Variants in SLC44A1 observed in about 807,000 individuals in gnomAD.
The protein encoded by SLC44A1 is solute carrier family 44 member 1.
A neutral mutation model predicts 79.3 loss-of-function variants in SLC44A1; 26 were observed. The ratio of observed to expected loss-of-function variants is 0.33; its 90% confidence interval spans 0.24 to 0.46. SLC44A1 has a LOEUF of 0.46. Ranked by LOEUF, SLC44A1 falls within the 20% of genes least tolerant of loss-of-function variation. SLC44A1 has a pLI of 1.00. For synonymous variants in SLC44A1, 263 were observed against 286.2 expected, an observed-to-expected ratio of 0.92 and a Z score of 0.82; for missense variants, 688 against 798.1, an observed-to-expected ratio of 0.86 and a Z score of 1.66.
At chr9:105,302,008 C>T (rs1250352031) in intron 2 of SLC44A1, among the ~76,000 whole-genome samples, 1 of 152,178 alleles carries the variant, frequency 6.6e-6, no homozygotes, top group East Asian at 1.9e-4. Context: ...TCACTCATCT[C>T]TACCATTAAA....
At chr9:105,294,548 T>C (rs1459958644) in intron 1 of SLC44A1, 2 of 152,096 alleles carry the variant, frequency 1.3e-5, no homozygotes, top group Non-Finnish European at 2.9e-5. Context: ...TAATCTTTGT[T>C]TTTCTGTATG....
chr9:105,344,598 CAT>C (rs1489668411), intron 4 of SLC44A1, among the ~76,000 whole-genome samples: 1 of 152,134 alleles, frequency 6.6e-6, no homozygotes, highest in Non-Finnish European at 1.5e-5. Flanking sequence ...TTGTATATAA[CAT>C]ATAACACCAA....
chr9:105,300,575 C>T (rs1245493450), intron 2 of SLC44A1, among the ~76,000 whole-genome samples: 2 of 151,818 alleles, frequency 1.3e-5, no homozygotes, highest in African/African-American at 2.4e-5. Context: ...TAATGAGATA[C>T]GATAAATCCA....
At position 105,394,862 on chromosome 9, in the gene SLC44A1, A is replaced by G; in HGVS notation, c.*5806A>G. The G allele has an allele frequency of 1.0e-6, 1 of 985,488 alleles. No individual in the cohort carries two copies. The highest frequency in any genetic ancestry group is 1.2e-6 in the Non-Finnish European group (1 of 829,968). 61.0% of individuals were successfully genotyped at this position (985,488 alleles called of 1,614,324 possible). On this transcript the variant is annotated 3_prime_UTR_variant, in exon 16 of 16. Coordinates refer to ENST00000374720, the MANE Select transcript of SLC44A1 (RefSeq NM_080546.5). ...TTTTAGTGTTTTCCAGTCACCCACT[A>G]GAGCAGCTTCAGATTCCTCTGCCAA...
chr9:105,370,897 A>C lies in SLC44A1; in HGVS notation c.1495-3701A>C, dbSNP rs187763821. ...AATTTCCTTGATTCTAGACATTATG[A>C]AGCTATTTAGTATCAGGATGTATCT... is the stretch of plus-strand genomic sequence containing the variant. On this transcript the variant is annotated intron_variant, in intron 12 of 15. Transcript: ENST00000374720. Among the ~76,000 whole-genome samples the C allele has an allele frequency of 2.6e-5, 4 of 152,340 alleles. No homozygotes were observed. The East Asian group carries it at 7.7e-4, about 29-fold the overall frequency.
rs545507596 is a variant in SLC44A1 at position 105,258,105 on chromosome 9, T to C, written c.36+13201T>C. Reference sequence around the variant, plus strand: ...AGACCTTCCTGACTTAATCTGGATATGTGGGATGAAAGAGAAGGAAAGAAC... The same window carrying C: ...AGACCTTCCTGACTTAATCTGGATACGTGGGATGAAAGAGAAGGAAAGAAC... On this transcript the variant is annotated intron_variant, in intron 1 of 15. Coordinates refer to ENST00000374720, the MANE Select transcript of SLC44A1 (RefSeq NM_080546.5). Among the ~76,000 whole-genome samples the C allele has an allele frequency of 2.6e-5, 4 of 152,306 alleles. No individual in the cohort carries two copies. The South Asian group carries it at 8.3e-4, about 32-fold the overall frequency.
At chr9:105,279,768 A>G (rs906187599) in intron 1 of SLC44A1, among the ~76,000 whole-genome samples, 1 of 152,218 alleles carries the variant, frequency 6.6e-6, no homozygotes, top group African/African-American at 2.4e-5. Flanking sequence ...TAACTCGTGC[A>G]ATAATCCACC....
At chr9:105,438,303 C>A in exon 16 of SLC44A1, 1 of 1,549,938 alleles carries the variant, frequency 6.5e-7, no homozygotes, top group Non-Finnish European at 8.7e-7. Flanking sequence ...TGACTGGTCT[C>A]ATGAGCCCTG....
At chr9:105,413,569 G>T (rs569559032) in intron 15 of SLC44A1, among the ~76,000 whole-genome samples, 1 of 152,334 alleles carries the variant, frequency 6.6e-6, no homozygotes, top group East Asian at 1.9e-4. Context: ...AAGCATTCTT[G>T]CCTGATTTCT....
intron 15 of SLC44A1, among the ~76,000 whole-genome samples, chr9:105,437,004 C>G (rs1829471732): frequency 6.6e-6 from 1 of 152,140 alleles, no homozygotes. Flanking sequence ...CTCCTGGCAT[C>G]TTGTGGTTAG....
intron 1 of SLC44A1, among the ~76,000 whole-genome samples, chr9:105,263,415 A>C (rs1829884995): frequency 6.6e-6 from 1 of 152,206 alleles, no homozygotes; most frequent in Non-Finnish European, 1.5e-5. Context: ...TAGTTTTTAC[A>C]ACCATGTCTG....
intron 15 of SLC44A1, among the ~76,000 whole-genome samples, chr9:105,419,167 C>A (rs539225487): frequency 6.6e-6 from 1 of 152,070 alleles, no homozygotes. Context: ...GAAAAAAATG[C>A]GAGTTTGCAA....
At chr9:105,245,253 C>T (rs1829407438) in intron 1 of SLC44A1, among the ~76,000 whole-genome samples, 1 of 152,126 alleles carries the variant, frequency 6.6e-6, no homozygotes, top group African/African-American at 2.4e-5. Flanking sequence ...CAGGTGGCAT[C>T]CCCTTCCCTG....
Position 105,249,617 on chromosome 9 carries a change from C to T in SLC44A1, c.36+4713C>T, listed in dbSNP as rs372361671. 3.9e-4 allele frequency among the ~76,000 whole-genome samples: 59 copies of T among 151,616 alleles called. 1 individual carries two copies. The South Asian group carries it at 0.012, about 31-fold the overall frequency. The stretch of plus-strand genomic sequence containing the variant: ...TCGGTTCACTGCAACCTCTGCCTCC[C>T]GGGTTCAAGTGATTCTACTGCCTCA... On this transcript the variant is annotated intron_variant, in intron 1 of 15. Transcript: ENST00000374720.
chr9:105,392,897 G>A lies in SLC44A1; in HGVS notation c.*3841G>A. 1.0e-6 allele frequency: 1 copy of A among 985,250 alleles called. No individual in the cohort carries two copies. The highest frequency in any genetic ancestry group is 1.2e-6 in the Non-Finnish European group (1 of 829,848). The allele number at this position is 985,250 out of a possible 1,614,324, so 61.0% of individuals were successfully genotyped here. On this transcript the variant is annotated 3_prime_UTR_variant, in exon 16 of 16. Coordinates refer to ENST00000374720, the MANE Select transcript of SLC44A1 (RefSeq NM_080546.5). ...GCCTCTGAGAAGTTTCCTCCAGAAA[G>A]GTCTTTAAGCTTTCGCTTTTCAATA...
chr9:105,368,428 C>T (rs549389127), intron 12 of SLC44A1, among the ~76,000 whole-genome samples: 2 of 152,180 alleles, frequency 1.3e-5, no homozygotes, highest in Admixed American at 1.3e-4. Flanking sequence ...ATAGGAAATG[C>T]CACACTTGAA....
At chr9:105,322,355 A>G (rs950228788) in intron 3 of SLC44A1, among the ~76,000 whole-genome samples, 3 of 152,170 alleles carry the variant, frequency 2.0e-5, no homozygotes, top group South Asian at 2.1e-4. Context: ...AGATGGGGCC[A>G]GTGATGCTAA....
At chr9:105,321,753 T>A (rs1245706479) in intron 3 of SLC44A1, among the ~76,000 whole-genome samples, 1 of 151,854 alleles carries the variant, frequency 6.6e-6, no homozygotes, top group Admixed American at 6.6e-5. Context: ...ACTTGTTTTA[T>A]TAAAATAAAA....
In SLC44A1 at chr9:105,365,577, A is replaced by G. The variant is rs763215606; in HGVS notation, c.1348A>G (p.Ile450Val). Residue 450 changes from isoleucine (I) to valine (V), a missense_variant, in exon 11 of 16, where the codon ATC becomes GTC. Transcript: ENST00000374720. ...TACGGTGGCAAAAGGATCTTTCATT[A>G]TCACATTAGTCAAAATTCCGCGAAT... ...LGTVAKGSFI[I>V]TLVKIPRMIL... 2 of 1,613,692 alleles carry G rather than the reference A, an allele frequency of 1.2e-6. No individual in the cohort carries two copies. Among genetic ancestry groups the G allele is most frequent in the South Asian group, 1.1e-5 (1 of 91,050 alleles).
Sources: allele counts gnomAD v4.1 joint callset (sites outside exome capture counted in the v4.1 genomes callset), GRCh38; gene constraint gnomAD v4.1.1; transcripts MANE v1.5; gene names NCBI Gene and HGNC (gene_info 2026-07-23, HGNC 2026-07-21).